DSCAML1: variants seen among roughly 807,000 people sequenced by gnomAD.
The protein encoded by DSCAML1 is cell adhesion molecule DSCAML1.
A neutral mutation model predicts 200.5 loss-of-function variants in DSCAML1; 38 were observed. The ratio of observed to expected loss-of-function variants is 0.19; its 90% confidence interval spans 0.15 to 0.25. DSCAML1 has a LOEUF of 0.25. Ranked by LOEUF, DSCAML1 falls within the 10% of genes least tolerant of loss-of-function variation. The probability of loss-of-function intolerance (pLI) is 1.00; values close to 1 mark genes in which losing one functional copy is unlikely to be tolerated. For synonymous variants in DSCAML1, 1,215 were observed against 1,165.0 expected (o/e 1.04, Z -0.87); for missense variants, 2,223 against 2,858.8 (o/e 0.78, Z 5.07).
chr11:117,454,109 C>T (rs748568982), intron 19 of DSCAML1, among the ~76,000 whole-genome samples: 23 of 152,002 alleles, frequency 1.5e-4, no homozygotes, highest in South Asian at 2.1e-4. Context: ...TTTTATCTTC[C>T]GCTCCATTCT....
chr11:117,547,122 C>G (rs2050386974), intron 3 of DSCAML1, among the ~76,000 whole-genome samples: 1 of 152,148 alleles, frequency 6.6e-6, no homozygotes, highest in Non-Finnish European at 1.5e-5. Context: ...GCCATAATAA[C>G]AGGGTGCTGA....
intron 3 of DSCAML1, among the ~76,000 whole-genome samples, chr11:117,700,423 T>C (rs561348322): frequency 6.6e-6 from 1 of 151,960 alleles, no homozygotes; most frequent in South Asian, 2.1e-4. Flanking sequence ...TCACCCAGAG[T>C]CCCTGGGAAA....
chr11:117,681,254 C>T (rs973943930), intron 3 of DSCAML1, among the ~76,000 whole-genome samples: 1 of 152,152 alleles, frequency 6.6e-6, no homozygotes, highest in Non-Finnish European at 1.5e-5. Context: ...TAGTGTGGTC[C>T]CTGAGCCAGC....
chr11:117,689,730 G>A (rs1013020074), intron 3 of DSCAML1, among the ~76,000 whole-genome samples: 10 of 152,208 alleles, frequency 6.6e-5, no homozygotes, highest in African/African-American at 2.2e-4. Flanking sequence ...CCTGACTGCT[G>A]GAGACCTGGA....
chr11:117,797,659 G>T (rs2055610281), upstream of DSCAML1, among the ~76,000 whole-genome samples: 1 of 150,680 alleles, frequency 6.6e-6, no homozygotes, highest in Non-Finnish European at 1.5e-5. Context: ...GTGCTGTCTG[G>T]TGCTACTCCC....
chr11:117,486,503 G>T (rs1367074387), intron 11 of DSCAML1, among the ~76,000 whole-genome samples: 3 of 152,306 alleles, frequency 2.0e-5, no homozygotes, highest in Admixed American at 1.3e-4. Context: ...TGTGAAAGGC[G>T]CATGTCTCAG....
At chr11:117,663,898 A>G (rs898248896) in intron 3 of DSCAML1, among the ~76,000 whole-genome samples, 2 of 152,190 alleles carry the variant, frequency 1.3e-5, no homozygotes, top group Non-Finnish European at 2.9e-5. Context: ...GCGTGACTGA[A>G]ACATTTATTC....
intron 3 of DSCAML1, among the ~76,000 whole-genome samples, chr11:117,659,213 T>C (rs1404862431): frequency 6.6e-6 from 1 of 152,244 alleles, no homozygotes; most frequent in African/African-American, 2.4e-5. Flanking sequence ...TATTTTCCCC[T>C]TGCACCCAGT....
intron 19 of DSCAML1, among the ~76,000 whole-genome samples, chr11:117,451,601 A>G (rs1196653217): frequency 1.3e-5 from 2 of 152,188 alleles, no homozygotes; most frequent in Non-Finnish European, 2.9e-5. Flanking sequence ...AGGCGGGCGG[A>G]TCCCCCGAGG....
In DSCAML1 at chr11:117,624,607, T is replaced by G. The variant is rs140093496; in HGVS notation, c.512-92085A>C. The stretch of plus-strand genomic sequence containing the variant: ...TCACATGCGCACTCGTGGCCCCAGA[T>G]GAGAGCCTGGAAGTCATCACCTGGC... On this transcript the variant is annotated intron_variant, in intron 3 of 32. Coordinates refer to ENST00000651296, the MANE Select transcript of DSCAML1 (RefSeq NM_020693.4). 4.6e-3 allele frequency among the ~76,000 whole-genome samples: 706 copies of G among 152,172 alleles called. 10 individuals carry two copies. The highest frequency in any genetic ancestry group is 0.016 in the African/African-American group (680 of 41,502).
intron 1 of DSCAML1, among the ~76,000 whole-genome samples, chr11:117,816,183 GA>G (rs1415089552): frequency 6.6e-6 from 1 of 152,202 alleles, no homozygotes; most frequent in East Asian, 1.9e-4. Flanking sequence ...CCAAAACTGG[GA>G]GGGGGCACTG....
At position 117,437,044 on chromosome 11, in the gene DSCAML1, GT is replaced by G; in HGVS notation, c.4720+77del. On this transcript the variant is annotated intron_variant, in intron 26 of 32. Transcript: ENST00000651296. This position sits in a 1 kb window ranked among gnomAD's most constrained non-coding sequence, Gnocchi z 5.3. Reference sequence around the variant, plus strand: ...TTTTTCTATTAGTCTGTCTCTTTATGTATCTGCCACTCTGCCCACTTCCTTC... The same window carrying G: ...TTTTTCTATTAGTCTGTCTCTTTATGATCTGCCACTCTGCCCACTTCCTTC... 1.3e-6 allele frequency: 2 copies of G among 1,519,154 alleles called. No individual in the cohort carries two copies. The highest frequency in any genetic ancestry group is 2.7e-5 in the African/African-American group (2 of 72,998). The allele number at this position is 1,519,154 out of a possible 1,614,324, so 94.1% of individuals were successfully genotyped here. A position where few individuals can be genotyped will look rare whatever the true frequency, so the allele number is the denominator to read the frequency against.
chr11:117,763,764 T>C (rs1210546886), intron 3 of DSCAML1, among the ~76,000 whole-genome samples: 1 of 151,900 alleles, frequency 6.6e-6, no homozygotes, highest in Non-Finnish European at 1.5e-5. Context: ...AGGATCCTGA[T>C]CTAATTGTTC....
At chr11:117,442,578 G>A (rs1199145087) in intron 21 of DSCAML1, among the ~76,000 whole-genome samples, 4 of 152,104 alleles carry the variant, frequency 2.6e-5, no homozygotes, top group Admixed American at 2.0e-4. Flanking sequence ...CAGGGCGGCT[G>A]TGAGGTGACG....
At chr11:117,726,670 G>T (rs1308967057) in intron 3 of DSCAML1, among the ~76,000 whole-genome samples, 1 of 152,184 alleles carries the variant, frequency 6.6e-6, no homozygotes, top group African/African-American at 2.4e-5. Flanking sequence ...CAAGCCATCT[G>T]CTGAGTAAGC....
At chr11:117,813,308 G>A (rs559313502) in intron 1 of DSCAML1, among the ~76,000 whole-genome samples, 186 of 152,194 alleles carry the variant, frequency 1.2e-3, no homozygotes, top group Non-Finnish European at 2.3e-3. Flanking sequence ...GACCAACTTC[G>A]ACTGTGCCCC....
chr11:117,793,239 T>A (rs2055508194), intron 1 of DSCAML1, among the ~76,000 whole-genome samples: 1 of 152,148 alleles, frequency 6.6e-6, no homozygotes, highest in African/African-American at 2.4e-5. Flanking sequence ...TTCATGCACC[T>A]GGGTACCCGC....
At chr11:117,512,643 TACACACACACACACACAC>T (rs71037481) in intron 8 of DSCAML1, among the ~76,000 whole-genome samples, 19 of 125,140 alleles carry the variant, frequency 1.5e-4, no homozygotes, top group African/African-American at 4.6e-4. Context: ...CAAGCGTGTG[TACACACACACACACACAC>T]ACACACACAC....
rs61743159 is a variant in DSCAML1 at position 117,464,970 on chromosome 11, G to A, written c.3237C>T (p.Ser1079=). The A allele has an allele frequency of 0.014, 22,463 of 1,614,046 alleles. 254 individuals are homozygous for A. Among genetic ancestry groups the A allele is most frequent in the South Asian group, 0.016 (1,484 of 91,048 alleles). Residue 1079 remains serine (S), a synonymous_variant, in exon 17 of 33, where the codon AGC becomes AGT. Transcript: ENST00000651296. ...FNRAGTGPSS[S]EINATTLEDV... Reference sequence around the variant, plus strand: ...CCTCCAGAGTGGTGGCATTGATCTCGCTGGAAGAGGGCCCCGTGCCAGCCC... The same window carrying A: ...CCTCCAGAGTGGTGGCATTGATCTCACTGGAAGAGGGCCCCGTGCCAGCCC...
Sources: allele counts gnomAD v4.1 joint callset (sites outside exome capture counted in the v4.1 genomes callset), GRCh38; gene constraint gnomAD v4.1.1; non-coding constraint Gnocchi (gnomAD v3.1); transcripts MANE v1.5; gene names NCBI Gene and HGNC (gene_info 2026-07-23, HGNC 2026-07-21).